The following SIPA1L1 variants were observed in gnomAD, a reference collection of about 807,000 sequenced individuals.
SIPA1L1 encodes the protein signal-induced proliferation-associated 1-like protein 1.
SIPA1L1 carries 26 observed loss-of-function variants against 162.7 expected under a neutral mutation model. The observed-to-expected ratio is 0.16, with a 90% CI of 0.12 to 0.22. The LOEUF is 0.22. Ranked by LOEUF, SIPA1L1 falls within the 10% of genes least tolerant of loss-of-function variation. SIPA1L1 has a pLI of 1.00. For synonymous variants in SIPA1L1, 829 were observed against 837.4 expected (o/e 0.99, Z 0.17); for missense variants, 1,874 against 2,241.0 (o/e 0.84, Z 3.31).
intron 2 of SIPA1L1, among the ~76,000 whole-genome samples, chr14:71,495,886 CAAAAAAAAAAAA>C (rs61183823): frequency 3.9e-4 from 15 of 38,006 alleles, no homozygotes; most frequent in South Asian, 1.2e-3. Flanking sequence ...TCCATCTCTA[CAAAAAAAAAAAA>C]AAAAAAAAAA....
chr14:71,614,455 T>C (rs2038594523), intron 5 of SIPA1L1, among the ~76,000 whole-genome samples: 1 of 152,096 alleles, frequency 6.6e-6, no homozygotes, highest in Non-Finnish European at 1.5e-5. Context: ...TCAAAGACTT[T>C]TTGAAAAAGT....
chr14:71,585,368 G>A (rs1055214916), intron 4 of SIPA1L1, among the ~76,000 whole-genome samples: 7 of 152,052 alleles, frequency 4.6e-5, no homozygotes, highest in Admixed American at 2.0e-4. Flanking sequence ...ATAATGTAAT[G>A]GGAGTCTTGA....
At chr14:71,654,741 A>G (rs1300119990) in intron 8 of SIPA1L1, among the ~76,000 whole-genome samples, 1 of 152,234 alleles carries the variant, frequency 6.6e-6, no homozygotes, top group Non-Finnish European at 1.5e-5. Flanking sequence ...AAAGCTCTAT[A>G]CAAATATGAA....
At chr14:71,424,269 T>C (rs1372179343) in intron 2 of SIPA1L1, among the ~76,000 whole-genome samples, 1 of 152,116 alleles carries the variant, frequency 6.6e-6, no homozygotes, top group Non-Finnish European at 1.5e-5. Flanking sequence ...TTTATTTCTC[T>C]TTCTTGCCTA....
At chr14:71,610,502 C>T (rs537383761) in intron 5 of SIPA1L1, among the ~76,000 whole-genome samples, 1 of 152,116 alleles carries the variant, frequency 6.6e-6, no homozygotes, top group Non-Finnish European at 1.5e-5. Flanking sequence ...TATTAAAGAC[C>T]AACAAAAGAC....
chr14:71,557,075 A>T (rs1259326138), intron 4 of SIPA1L1, among the ~76,000 whole-genome samples: 1 of 152,228 alleles, frequency 6.6e-6, no homozygotes, highest in East Asian at 1.9e-4. Context: ...GGAACTGTGG[A>T]CAAAAACCAA....
chr14:71,566,152 A>AC (rs1297161958), intron 4 of SIPA1L1, among the ~76,000 whole-genome samples: 1 of 152,190 alleles, frequency 6.6e-6, no homozygotes, highest in East Asian at 1.9e-4. Context: ...TTTGTAGTAC[A>AC]CCAGTAACGG....
chr14:71,625,891 A>G (rs1286614787), intron 7 of SIPA1L1, among the ~76,000 whole-genome samples: 1 of 152,218 alleles, frequency 6.6e-6, no homozygotes, highest in African/African-American at 2.4e-5. Flanking sequence ...ATAAAAATGG[A>G]TACTCTACTT....
chr14:71,631,865 T>C (rs2040607557), intron 7 of SIPA1L1, among the ~76,000 whole-genome samples: 1 of 152,250 alleles, frequency 6.6e-6, no homozygotes, highest in South Asian at 2.1e-4. Flanking sequence ...TCATTCTTTT[T>C]GGAGGACAGT....
At chr14:71,597,340 G>A (rs2036158947) in intron 5 of SIPA1L1, among the ~76,000 whole-genome samples, 1 of 151,724 alleles carries the variant, frequency 6.6e-6, no homozygotes, top group South Asian at 2.1e-4. Flanking sequence ...TTTCTCTATT[G>A]GTATTAATTA....
chr14:71,505,028 C>T (rs1044410263), intron 2 of SIPA1L1, among the ~76,000 whole-genome samples: 1 of 152,154 alleles, frequency 6.6e-6, no homozygotes, highest in Non-Finnish European at 1.5e-5. Context: ...TATGTGGCCT[C>T]CAAGAGCCAT....
chr14:71,666,321 A>T (rs1042058706), intron 10 of SIPA1L1, among the ~76,000 whole-genome samples: 5 of 152,234 alleles, frequency 3.3e-5, no homozygotes, highest in Admixed American at 6.5e-5. Context: ...CCATTTCTTC[A>T]ACAAGTAAGT....
chr14:71,436,368 A>G (rs988302650), intron 2 of SIPA1L1, among the ~76,000 whole-genome samples: 1 of 152,150 alleles, frequency 6.6e-6, no homozygotes, highest in Non-Finnish European at 1.5e-5. Flanking sequence ...ATTATGAAAA[A>G]ATATCTTGCT....
At chr14:71,440,501 A>G (rs2141200574) in intron 2 of SIPA1L1, among the ~76,000 whole-genome samples, 1 of 151,852 alleles carries the variant, frequency 6.6e-6, no homozygotes, top group South Asian at 2.1e-4. Flanking sequence ...AAATACAAAA[A>G]CTAACTGACC....
chr14:71,629,850 A>G (rs940867062), intron 7 of SIPA1L1, among the ~76,000 whole-genome samples: 2 of 152,238 alleles, frequency 1.3e-5, no homozygotes, highest in Non-Finnish European at 1.5e-5. Flanking sequence ...TATCTCAAGA[A>G]TGGATATAAG....
In SIPA1L1 at chr14:71,387,087, A is replaced by G. The variant is rs959547558; in HGVS notation, c.-465+65906A>G. ...AACATGGAGAAACCCTGTCTCTATT[A>G]AAATTACAAAATTAGCTGGGCATGG... On this transcript the variant is annotated intron_variant, in intron 2 of 23. Transcript: ENST00000381232. Among the ~76,000 whole-genome samples, 5 of 152,156 alleles carry G rather than the reference A, an allele frequency of 3.3e-5. No homozygotes were observed. The East Asian group carries it at 9.7e-4, about 29-fold the overall frequency.
In SIPA1L1 at chr14:71,411,983, G is replaced by T. The variant is rs547706425; in HGVS notation, c.-465+90802G>T. ...GTTTAAAATTTGCATGTTTATTCATGTTCCTAAGTGGATTACTACTGCAGA... is the reference window on the plus strand; with the variant it reads ...GTTTAAAATTTGCATGTTTATTCATTTTCCTAAGTGGATTACTACTGCAGA... On this transcript the variant is annotated intron_variant, in intron 2 of 23. Coordinates refer to ENST00000381232, the MANE Select transcript of SIPA1L1 (RefSeq NM_001386936.1). Among the ~76,000 whole-genome samples, 5 of 152,280 alleles carry T rather than the reference G, an allele frequency of 3.3e-5. No homozygotes were observed. In the South Asian group the frequency reaches 1.0e-3, roughly 32 times the overall value.
At chr14:71,416,142 CTTTTTTT>C (rs943016883) in intron 2 of SIPA1L1, 1 of 145,642 alleles carries the variant, frequency 6.9e-6, no homozygotes, top group Admixed American at 6.9e-5. Context: ...GTATTTTGTT[CTTTTTTT>C]TTTTAGTATA....
chr14:71,493,850 A>T (rs770752715), intron 2 of SIPA1L1, among the ~76,000 whole-genome samples: 3 of 152,222 alleles, frequency 2.0e-5, no homozygotes, highest in Non-Finnish European at 4.4e-5. Flanking sequence ...TCCTTAAAGG[A>T]TAGATTCAGC....
Sources: gnomAD v4.1 joint callset for allele counts (sites outside exome capture counted in the v4.1 genomes callset) on GRCh38, gnomAD v4.1.1 for gene constraint, MANE v1.5 for transcripts, NCBI Gene and HGNC (gene_info 2026-07-23, HGNC 2026-07-21) for gene names.